The following KCNK13 variants were observed in gnomAD, a reference collection of about 807,000 sequenced individuals.
KCNK13 encodes potassium two pore domain channel subfamily K member 13.
A neutral mutation model predicts 23.4 loss-of-function variants in KCNK13; 12 were observed. The observed-to-expected ratio is 0.51, with a 90% confidence interval of 0.33 to 0.83. KCNK13 has a LOEUF of 0.83. Among genes scored for constraint, KCNK13 ranks in the 40% least tolerant of loss-of-function variants. The pLI is 0.02. For synonymous variants in KCNK13, 231 were observed against 229.5 expected, an observed-to-expected ratio of 1.01 and a Z score of -0.06; for missense variants, 463 against 556.3, an observed-to-expected ratio of 0.83 and a Z score of 1.69.
chr14:90,089,133 G>A (rs1341743081), intron 1 of KCNK13, among the ~76,000 whole-genome samples: 2 of 152,204 alleles, frequency 1.3e-5, no homozygotes, highest in Non-Finnish European at 2.9e-5. Context: ...CTGGGTAACA[G>A]GCAGAGACTG....
intron 1 of KCNK13, among the ~76,000 whole-genome samples, chr14:90,097,606 C>G (rs979722973): frequency 6.6e-6 from 1 of 152,144 alleles, no homozygotes; most frequent in African/African-American, 2.4e-5. Context: ...CACCAGCCAT[C>G]TCATTGACTG....
chr14:90,116,295 T>C (rs1208163872), intron 1 of KCNK13, among the ~76,000 whole-genome samples: 3 of 152,216 alleles, frequency 2.0e-5, no homozygotes, highest in African/African-American at 4.8e-5. Flanking sequence ...TCTGTCTGAA[T>C]GGATGTCACT....
At chr14:90,067,820 G>T (rs1000514505) in intron 1 of KCNK13, among the ~76,000 whole-genome samples, 1 of 152,136 alleles carries the variant, frequency 6.6e-6, no homozygotes, top group Non-Finnish European at 1.5e-5. Flanking sequence ...GCTTGTCCCC[G>T]TGTTTGCTGG....
chr14:90,076,818 A>G (rs1889140476), intron 1 of KCNK13, among the ~76,000 whole-genome samples: 1 of 152,092 alleles, frequency 6.6e-6, no homozygotes, highest in South Asian at 2.1e-4. Context: ...GATTAAAAAA[A>G]AATTTTTTTT....
intron 1 of KCNK13, among the ~76,000 whole-genome samples, chr14:90,164,082 T>C (rs1467933215): frequency 5.9e-5 from 9 of 152,232 alleles, no homozygotes; most frequent in African/African-American, 2.2e-4. Context: ...CTTCAGTCTC[T>C]GTTCCCTTTG....
At chr14:90,129,717 TCTC>T (rs2140421912) in intron 1 of KCNK13, among the ~76,000 whole-genome samples, 1 of 149,126 alleles carries the variant, frequency 6.7e-6, no homozygotes, top group African/African-American at 2.5e-5. Flanking sequence ...TCATCCCCCT[TCTC>T]TGCATTCAGT....
At chr14:90,168,356 G>A (rs1890327706) in intron 1 of KCNK13, among the ~76,000 whole-genome samples, 1 of 151,242 alleles carries the variant, frequency 6.6e-6, no homozygotes, top group Admixed American at 6.6e-5. Context: ...GGGCGACAGA[G>A]TAAGACCTGT....
intron 1 of KCNK13, among the ~76,000 whole-genome samples, chr14:90,160,927 AT>A (rs1342058844): frequency 2.0e-5 from 3 of 152,162 alleles, no homozygotes; most frequent in Non-Finnish European, 4.4e-5. Context: ...TTGTGAAAAA[AT>A]ATTAAATATT....
chr14:90,148,145 A>G (rs1365760967), intron 1 of KCNK13, among the ~76,000 whole-genome samples: 1 of 152,200 alleles, frequency 6.6e-6, no homozygotes, highest in African/African-American at 2.4e-5. Context: ...CTTGGGTGAC[A>G]GAGTGTGACT....
intron 1 of KCNK13, among the ~76,000 whole-genome samples, chr14:90,091,614 A>G (rs1440938855): frequency 1.3e-5 from 2 of 152,092 alleles, no homozygotes; most frequent in Non-Finnish European, 2.9e-5. Flanking sequence ...TGGAATGCAG[A>G]ACACTGGGCA....
At chr14:90,136,668 T>C (rs1193655120) in intron 1 of KCNK13, among the ~76,000 whole-genome samples, 2 of 152,184 alleles carry the variant, frequency 1.3e-5, no homozygotes, top group Non-Finnish European at 2.9e-5. Flanking sequence ...AGTTTTGAGC[T>C]ATTTGAGAGC....
chr14:90,084,581 C>A (rs1889251060), intron 1 of KCNK13, among the ~76,000 whole-genome samples: 1 of 152,160 alleles, frequency 6.6e-6, no homozygotes. Flanking sequence ...ACCTGTGTGT[C>A]CAGATAGTTT....
chr14:90,184,885 T>C lies in KCNK13; in HGVS notation c.1109T>C (p.Met370Thr). The C allele has an allele frequency of 1.2e-6, 2 of 1,613,802 alleles. No individual in the cohort carries two copies. The highest frequency in any genetic ancestry group is 2.2e-5 in the South Asian group (2 of 91,088). ...ATCCTGCAGAAGCAACTGTCTGAGA[T>C]GGCCAACGGCTGCCCCCACCAGACC... Reference protein sequence around the residue: ...LAILQKQLSEMANGCPHQTST... With the variant: ...LAILQKQLSETANGCPHQTST... The change falls in exon 2 of 2, where the codon ATG becomes ACG. Residue 370 changes from methionine (M) to threonine (T), a missense_variant. By Grantham distance (81) the Met-to-Thr change is moderately conservative. This residue lies in a region of KCNK13 where 166 missense variants were observed against 178.8 expected (regional missense o/e 0.93). Transcript: ENST00000282146. The surrounding 1 kb of genome is among the most constrained non-coding windows in gnomAD (Gnocchi z 5.6).
rs143453024 is a variant in KCNK13, at chr14:90,110,193, G to A, written c.334+47654G>A. ...GTGTGCTACTACAGCTTTAATGTGC[G>A]TGCAGATTACCAGCAAGACCGCATA... On this transcript the variant is annotated intron_variant, in intron 1 of 1. Transcript: ENST00000282146. Among the ~76,000 whole-genome samples, 37 of 152,208 alleles carry A rather than the reference G, an allele frequency of 2.4e-4. 2 individuals are homozygous for A. The East Asian group carries it at 4.1e-3, about 17-fold the overall frequency.
At chr14:90,174,521 A>G (rs979075277) in intron 1 of KCNK13, among the ~76,000 whole-genome samples, 3 of 152,032 alleles carry the variant, frequency 2.0e-5, no homozygotes, top group African/African-American at 7.2e-5. Context: ...AGATTTTCCA[A>G]TTTGCAATTA....
Position 90,093,216 on chromosome 14 carries a change from G to T in KCNK13, c.334+30677G>T, listed in dbSNP as rs546215831. ...AGCCAGCAGAAAGAGAGGCAGATCC[G>T]CTTGGCTCCAGGGACCACGCTTCTT... On this transcript the variant is annotated intron_variant, in intron 1 of 1. Transcript: ENST00000282146. Among the ~76,000 whole-genome samples, 5 of 152,250 alleles carry T rather than the reference G, an allele frequency of 3.3e-5. No homozygotes were observed. In the South Asian group the frequency reaches 1.0e-3, roughly 32 times the overall value.
intron 1 of KCNK13, among the ~76,000 whole-genome samples, chr14:90,076,244 T>G (rs993628629): frequency 5.9e-5 from 9 of 152,212 alleles, no homozygotes; most frequent in Admixed American, 2.6e-4. Context: ...ACATAGAAAT[T>G]TATTTTTCTC....
chr14:90,185,228 G>A lies in KCNK13; in HGVS notation c.*225G>A. ...TTGTCTCCTGATCCTTATTCTTTAA[G>A]TCTAAATTCAGTCTTTTCAAAACAA... On this transcript the variant is annotated 3_prime_UTR_variant, in exon 2 of 2. Coordinates refer to ENST00000282146, the MANE Select transcript of KCNK13 (RefSeq NM_022054.4). 2.2e-6 allele frequency: 1 copy of A among 449,872 alleles called. No individual in the cohort carries two copies. 27.9% of individuals were successfully genotyped at this position (449,872 alleles called of 1,614,324 possible).
chr14:90,123,741 C>T (rs1197697772), intron 1 of KCNK13, among the ~76,000 whole-genome samples: 1 of 152,102 alleles, frequency 6.6e-6, no homozygotes, highest in South Asian at 2.1e-4. Flanking sequence ...AAATGTTCCT[C>T]CTGACTCAGC....
Sources: allele counts gnomAD v4.1 joint callset (sites outside exome capture counted in the v4.1 genomes callset), GRCh38; gene constraint gnomAD v4.1.1; regional missense constraint gnomAD v4.1.1; non-coding constraint Gnocchi (gnomAD v3.1); transcripts MANE v1.5; gene names NCBI Gene and HGNC (gene_info 2026-07-23, HGNC 2026-07-21).